Variants in RNF180 observed in about 807,000 individuals in gnomAD.
The protein encoded by RNF180 is ring finger protein 180.
A neutral mutation model predicts 59.2 loss-of-function variants in RNF180; 38 were observed. The observed-to-expected ratio is 0.64, with a 90% CI of 0.50 to 0.84. The LOEUF is 0.84. Among genes scored for constraint, RNF180 ranks in the 40% least tolerant of loss-of-function variants. RNF180 has a pLI of 0.00. For synonymous variants in RNF180, 262 were observed against 240.3 expected (o/e 1.09, Z -0.84); for missense variants, 705 against 700.9 (o/e 1.01, Z -0.07).
intron 5 of RNF180, among the ~76,000 whole-genome samples, chr5:64,250,107 A>G (rs1418042084): frequency 6.6e-6 from 1 of 152,172 alleles, no homozygotes; most frequent in East Asian, 1.9e-4. Context: ...TTGAAATACT[A>G]TTAAGTGTCT....
intron 1 of RNF180, among the ~76,000 whole-genome samples, chr5:64,182,294 C>G (rs1388445536): frequency 2.0e-5 from 3 of 152,066 alleles, no homozygotes; most frequent in Admixed American, 6.6e-5. Context: ...ATGTGATTCA[C>G]AAAAAATTTA....
At chr5:64,301,194 A>G (rs994211477) in intron 5 of RNF180, among the ~76,000 whole-genome samples, 31 of 151,852 alleles carry the variant, frequency 2.0e-4, no homozygotes, top group African/African-American at 7.5e-4. Flanking sequence ...AACAACAGCA[A>G]TAAGAACAAA....
At chr5:64,240,819 C>A (rs1742764695) in intron 5 of RNF180, among the ~76,000 whole-genome samples, 1 of 152,122 alleles carries the variant, frequency 6.6e-6, no homozygotes, top group African/African-American at 2.4e-5. Context: ...TTAGAAAGAC[C>A]CTTATTAGAC....
chr5:64,255,566 A>G (rs974460620), intron 5 of RNF180, among the ~76,000 whole-genome samples: 3 of 152,200 alleles, frequency 2.0e-5, no homozygotes, highest in Non-Finnish European at 4.4e-5. Context: ...TCCATGGTGT[A>G]TATGTGCCAC....
intron 1 of RNF180, among the ~76,000 whole-genome samples, chr5:64,196,421 G>A (rs975404191): frequency 1.3e-5 from 2 of 152,024 alleles, no homozygotes; most frequent in African/African-American, 4.8e-5. Flanking sequence ...TATTGCTAGG[G>A]TGGTGTTTTT....
At chr5:64,237,491 T>G (rs1742513688) in intron 5 of RNF180, among the ~76,000 whole-genome samples, 1 of 152,188 alleles carries the variant, frequency 6.6e-6, no homozygotes, top group Non-Finnish European at 1.5e-5. Flanking sequence ...TGGGAGGGAC[T>G]TGCCTTGTCT....
intron 5 of RNF180, among the ~76,000 whole-genome samples, chr5:64,251,998 C>T (rs1743610011): frequency 6.6e-6 from 1 of 152,050 alleles, no homozygotes; most frequent in African/African-American, 2.4e-5. Context: ...AGTGTCCATG[C>T]TATACAGAGT....
intron 5 of RNF180, among the ~76,000 whole-genome samples, chr5:64,304,034 C>G (rs1743305813): frequency 6.6e-6 from 1 of 151,542 alleles, no homozygotes; most frequent in South Asian, 2.1e-4. Flanking sequence ...TCTACTCTGC[C>G]TGTGTTCTAT....
At chr5:64,247,498 T>G (rs1257234238) in intron 5 of RNF180, among the ~76,000 whole-genome samples, 1 of 152,084 alleles carries the variant, frequency 6.6e-6, no homozygotes, top group East Asian at 1.9e-4. Flanking sequence ...ATGAGTGAAC[T>G]CCCATTCACA....
intron 5 of RNF180, among the ~76,000 whole-genome samples, chr5:64,298,641 C>G (rs899012053): frequency 5.9e-5 from 9 of 151,976 alleles, no homozygotes; most frequent in African/African-American, 2.2e-4. Flanking sequence ...TAAATGGAAA[C>G]TCTTAGACAA....
chr5:64,235,339 A>G (rs1028856313), intron 5 of RNF180, among the ~76,000 whole-genome samples: 1 of 152,220 alleles, frequency 6.6e-6, no homozygotes, highest in African/African-American at 2.4e-5. Flanking sequence ...ACAGATAATT[A>G]AATCATTGAT....
intron 5 of RNF180, among the ~76,000 whole-genome samples, chr5:64,264,613 C>T (rs1744550373): frequency 6.6e-6 from 1 of 152,172 alleles, no homozygotes; most frequent in Non-Finnish European, 1.5e-5. Context: ...GCCACATTTA[C>T]TTTATCCAGT....
At chr5:64,235,191 G>C (rs751058023) in intron 5 of RNF180, among the ~76,000 whole-genome samples, 1 of 152,170 alleles carries the variant, frequency 6.6e-6, no homozygotes, top group Non-Finnish European at 1.5e-5. Flanking sequence ...TCTGAGGTGG[G>C]AGGGTCACTT....
intron 5 of RNF180, among the ~76,000 whole-genome samples, chr5:64,264,647 T>C (rs915558746): frequency 1.3e-5 from 2 of 152,206 alleles, no homozygotes; most frequent in African/African-American, 2.4e-5. Flanking sequence ...GCATTTGGGT[T>C]GGTTCCACAT....
At chr5:64,269,654 G>T (rs1744895451) in intron 5 of RNF180, among the ~76,000 whole-genome samples, 1 of 152,134 alleles carries the variant, frequency 6.6e-6, no homozygotes, top group African/African-American at 2.4e-5. Context: ...TAAGCTGTGG[G>T]ACATCAGAGT....
chr5:64,305,133 A>G (rs1743370474), intron 5 of RNF180, among the ~76,000 whole-genome samples: 1 of 151,692 alleles, frequency 6.6e-6, no homozygotes, highest in African/African-American at 2.4e-5. Context: ...TAACTTTTGT[A>G]TGCACTGGGA....
At chr5:64,254,433 C>T (rs1173817270) in intron 5 of RNF180, among the ~76,000 whole-genome samples, 1 of 152,002 alleles carries the variant, frequency 6.6e-6, no homozygotes, top group Non-Finnish European at 1.5e-5. Flanking sequence ...GTTTAAATAA[C>T]AAAAAAGTAT....
chr5:64,180,359 TAAATG>T (rs1455590067), intron 1 of RNF180, among the ~76,000 whole-genome samples: 2 of 152,144 alleles, frequency 1.3e-5, no homozygotes, highest in Non-Finnish European at 2.9e-5. Context: ...TATAAATAAA[TAAATG>T]AAGAAGTAAA....
At chr5:64,354,026 A>G (rs988152838) in intron 7 of RNF180, among the ~76,000 whole-genome samples, 1 of 151,732 alleles carries the variant, frequency 6.6e-6, no homozygotes, top group South Asian at 2.1e-4. Flanking sequence ...TAAAAAAAGA[A>G]GAAAGCTCTC....
Sources: allele counts gnomAD v4.1 joint callset (sites outside exome capture counted in the v4.1 genomes callset), GRCh38; gene constraint gnomAD v4.1.1; transcripts MANE v1.5; gene names NCBI Gene and HGNC (gene_info 2026-07-23, HGNC 2026-07-21).